TRIML2: variants seen among roughly 807,000 people sequenced by gnomAD.
TRIML2 encodes the protein probable E3 ubiquitin-protein ligase TRIML2.
Under a neutral mutation model 31.2 loss-of-function variants are expected in TRIML2, and 28 were observed. The ratio of observed to expected loss-of-function variants is 0.90; its 90% CI spans 0.66 to 1.23. The LOEUF is 1.23. Ranked by LOEUF, TRIML2 falls within the 50% of genes most tolerant of loss-of-function variation. The pLI is 0.00. For synonymous variants in TRIML2, 187 were observed against 197.5 expected (o/e 0.95, Z 0.45); for missense variants, 536 against 528.3 (o/e 1.01, Z -0.14).
chr4:188,108,955 T>G (rs1560958578), intron 1 of TRIML2, among the ~76,000 whole-genome samples: 1 of 152,168 alleles, frequency 6.6e-6, no homozygotes, highest in Non-Finnish European at 1.5e-5. Flanking sequence ...ACATACTCGA[T>G]GCACAATAAA....
intron 7 of TRIML2, among the ~76,000 whole-genome samples, chr4:188,093,587 G>A (rs1733360599): frequency 6.6e-6 from 1 of 152,192 alleles, no homozygotes; most frequent in Middle Eastern, 3.4e-3. Context: ...GCTTGCATCT[G>A]GGAGGCAGAG....
chr4:188,101,587 G>C (rs893971617), intron 3 of TRIML2, among the ~76,000 whole-genome samples: 1 of 151,840 alleles, frequency 6.6e-6, no homozygotes, highest in Non-Finnish European at 1.5e-5. Context: ...CCAGCTACTC[G>C]GAAGGCTAAG....
In TRIML2 at chr4:188,097,347, C is replaced by G; in HGVS notation, c.622-1G>C. 1 of 1,613,946 alleles carries G rather than the reference C, an allele frequency of 6.2e-7. No individual in the cohort carries two copies. The highest frequency in any genetic ancestry group is 1.1e-5 in the South Asian group (1 of 91,038). Reference sequence around the variant, plus strand: ...ACCTTTCTAAAGAGTATTTTGCATTCTAAGGGAAAGAAAAGAGACCAGGTT... The same window carrying G: ...ACCTTTCTAAAGAGTATTTTGCATTGTAAGGGAAAGAAAAGAGACCAGGTT... On this transcript the variant is annotated splice_acceptor_variant, in intron 5 of 7. Transcript: ENST00000682553. LOFTEE classifies it high-confidence loss of function.
At chr4:188,103,288 C>T (rs1009944614) in intron 3 of TRIML2, among the ~76,000 whole-genome samples, 1 of 152,126 alleles carries the variant, frequency 6.6e-6, no homozygotes, top group African/African-American at 2.4e-5. Flanking sequence ...GCATGAGCCA[C>T]CACGACCAGC....
At position 188,109,367 on chromosome 4, in the gene TRIML2, C is replaced by T. The variant is rs1440175933; in HGVS notation, c.-347G>A. 2.0e-5 allele frequency: 3 copies of T among 148,790 alleles called. No homozygotes were observed. Among genetic ancestry groups the T allele is most frequent in the Admixed American group, 6.8e-5 (1 of 14,690 alleles). The allele number at this position is 148,790 out of a possible 1,614,324, so 9.2% of individuals were successfully genotyped here. A position where few individuals can be genotyped will look rare whatever the true frequency, so the allele number is the denominator to read the frequency against. Reference sequence around the variant, plus strand: ...TCTCGGCTCACTACAGCCTCGAGCTCCCAGGCTCAAGTGATTCTCCCACCT... The same window carrying T: ...TCTCGGCTCACTACAGCCTCGAGCTTCCAGGCTCAAGTGATTCTCCCACCT... On this transcript the variant is annotated 5_prime_UTR_variant, in exon 1 of 8. Coordinates refer to ENST00000682553, the MANE Select transcript of TRIML2 (RefSeq NM_173553.4).
At chr4:188,108,056 C>A (rs1273528148) in intron 1 of TRIML2, among the ~76,000 whole-genome samples, 1 of 152,198 alleles carries the variant, frequency 6.6e-6, no homozygotes, top group Non-Finnish European at 1.5e-5. Flanking sequence ...CCACACCCTT[C>A]TTCCTAGAAT....
intron 4 of TRIML2, 69 bp from the exon 5 acceptor site, chr4:188,099,244 C>T: frequency 6.6e-7 from 1 of 1,513,420 alleles, no homozygotes; most frequent in Non-Finnish European, 8.9e-7. Context: ...GTAACTTCTC[C>T]TATAGATTAA....
chr4:188,091,986 C>T (rs1026070901), intron 7 of TRIML2, 45 bp from the exon 8 acceptor site: 2 of 1,552,040 alleles, frequency 1.3e-6, no homozygotes, highest in South Asian at 1.2e-5. Context: ...TTCACCAATG[C>T]CAATGCCAGA....
At chr4:188,097,841 G>T (rs980883224) in intron 5 of TRIML2, among the ~76,000 whole-genome samples, 5 of 152,138 alleles carry the variant, frequency 3.3e-5, no homozygotes, top group Admixed American at 2.0e-4. Flanking sequence ...AGATAGTAAG[G>T]CCAGGCGCGG....
chr4:188,103,207 A>C lies in TRIML2; in HGVS notation c.285+1630T>G, dbSNP rs962905528. Among the ~76,000 whole-genome samples, 9 of 151,912 alleles carry C rather than the reference A, an allele frequency of 5.9e-5. No homozygotes were observed. The East Asian group carries it at 1.8e-3, about 30-fold the overall frequency. On this transcript the variant is annotated intron_variant, in intron 3 of 7. Transcript: ENST00000682553. ...AGTAGAGACGGGGTTTCACCGTGTTAGCCAGGATGGTCTCGATCTCCTGAC... is the reference window on the plus strand; with the variant it reads ...AGTAGAGACGGGGTTTCACCGTGTTCGCCAGGATGGTCTCGATCTCCTGAC...
intron 1 of TRIML2, chr4:188,106,752 G>T: frequency 4.9e-6 from 1 of 202,144 alleles, no homozygotes; most frequent in Non-Finnish European, 1.0e-5. Flanking sequence ...CGACTGCCCG[G>T]GAGGCCAAGT....
rs770105323 is a variant in TRIML2 at position 188,105,223 on chromosome 4, T to A, written c.146A>T (p.His49Leu). Residue 49 changes from histidine (H) to leucine (L), a missense_variant, in exon 2 of 8, where the codon CAT (histidine) becomes CTT (leucine). Physicochemically the swap from His to Leu is moderately conservative, Grantham distance 99. Transcript: ENST00000682553. ...CTCTTGTATCCCACACACCATGTGATGTTTGTGCTCCTGGGACTGGAAGCA... is the reference window on the plus strand; with the variant it reads ...CTCTTGTATCCCACACACCATGTGAAGTTTGTGCTCCTGGGACTGGAAGCA... ...SKCFQSQEHK[H>L]HMVCGIQEAA... 1.2e-6 allele frequency: 2 copies of A among 1,610,782 alleles called. No individual in the cohort carries two copies. Among genetic ancestry groups the A allele is most frequent in the African/African-American group, 2.7e-5 (2 of 74,886 alleles).
intron 7 of TRIML2, among the ~76,000 whole-genome samples, chr4:188,092,625 T>C (rs1721956999): frequency 6.6e-6 from 1 of 152,146 alleles, no homozygotes; most frequent in Admixed American, 6.6e-5. Context: ...CAGCAACTCA[T>C]TCGTGGCCCT....
chr4:188,105,398 A>G lies in TRIML2; in HGVS notation c.-30T>C. 1 of 1,509,090 alleles carries G rather than the reference A, an allele frequency of 6.6e-7. No homozygotes were observed. Among genetic ancestry groups the G allele is most frequent in the Non-Finnish European group, 8.9e-7 (1 of 1,118,306 alleles). 93.5% of individuals were successfully genotyped at this position (1,509,090 alleles called of 1,614,324 possible). A position where few individuals can be genotyped will look rare whatever the true frequency, so the allele number is the denominator to read the frequency against. On this transcript the variant is annotated 5_prime_UTR_variant, in exon 2 of 8. Transcript: ENST00000682553. ...GTAGGGGTCCCTAGTTGAAGACTGG[A>G]CTGTATGCTTCTACTGAGGTATCTC... is the stretch of plus-strand genomic sequence containing the variant.
At chr4:188,094,430 G>A (rs1015167545) in intron 7 of TRIML2, among the ~76,000 whole-genome samples, 2 of 151,858 alleles carry the variant, frequency 1.3e-5, no homozygotes, top group Admixed American at 1.3e-4. Context: ...ATAGTTATAG[G>A]GTACAAATGT....
Position 188,103,005 on chromosome 4 carries a change from GTTTTTTTTTTT to G in TRIML2, c.286-1766_286-1756del, listed in dbSNP as rs145048322. Among the ~76,000 whole-genome samples, 279 of 97,904 alleles carry G rather than the reference GTTTTTTTTTTT, an allele frequency of 2.8e-3. 3 individuals are homozygous for G. The Admixed American group carries it at 0.037, about 13-fold the overall frequency. The allele number at this position is 97,904 out of a possible 152,430, so 64.2% of individuals were successfully genotyped here. A position where few individuals can be genotyped will look rare whatever the true frequency, so the allele number is the denominator to read the frequency against. ...CTCCACCTCTGCTTTTACTCTCTTG[GTTTTTTTTTTT>G]TTTTTTTTTTTTTTGAGACGGAGTC... is the stretch of plus-strand genomic sequence containing the variant. On this transcript the variant is annotated intron_variant, in intron 3 of 7. Transcript: ENST00000682553.
At chr4:188,098,941 A>G in intron 5 of TRIML2, 94 bp downstream of exon 5, 2 of 1,382,172 alleles carry the variant, frequency 1.4e-6, no homozygotes, top group Non-Finnish European at 2.0e-6. Flanking sequence ...ATCATTGGAT[A>G]TTGTGTTCTG....
At chr4:188,106,346 C>T (rs1262656635) in intron 1 of TRIML2, among the ~76,000 whole-genome samples, 2 of 152,224 alleles carry the variant, frequency 1.3e-5, no homozygotes, top group Non-Finnish European at 2.9e-5. Flanking sequence ...CCACCGCGCC[C>T]GGCCGAAAAC....
intron 7 of TRIML2, among the ~76,000 whole-genome samples, chr4:188,092,319 G>A (rs562421163): frequency 2.0e-5 from 3 of 152,088 alleles, no homozygotes; most frequent in East Asian, 1.9e-4. Context: ...AAAAGTAGCC[G>A]AGTGTGGTGG....
Sources: allele counts gnomAD v4.1 joint callset (sites outside exome capture counted in the v4.1 genomes callset), GRCh38; gene constraint gnomAD v4.1.1; transcripts MANE v1.5; gene names NCBI Gene and HGNC (gene_info 2026-07-23, HGNC 2026-07-21).